Variants in MYO16 observed in about 807,000 individuals in gnomAD.
MYO16 encodes the protein unconventional myosin-XVI.
MYO16 carries 94 observed loss-of-function variants against 205.3 expected under a neutral mutation model. The ratio of observed to expected loss-of-function variants is 0.46; its 90% confidence interval spans 0.39 to 0.54. The LOEUF (loss-of-function observed/expected upper bound fraction) is 0.54, where lower values mean the gene tolerates loss of function less well. MYO16 is among the 20% of genes least tolerant of loss of function. MYO16 has a pLI of 0.00. For missense variants in MYO16, 2,315 were observed against 2,387.5 expected, an observed-to-expected ratio of 0.97 and a Z score of 0.63; for synonymous variants, 988 against 954.0, an observed-to-expected ratio of 1.04 and a Z score of -0.66.
intron 2 of MYO16, among the ~76,000 whole-genome samples, chr13:108,705,520 T>G (rs568865335): frequency 6.6e-6 from 1 of 152,346 alleles, no homozygotes; most frequent in Non-Finnish European, 1.5e-5. Flanking sequence ...AGTATATTGT[T>G]ATAATTGTTC....
At chr13:108,914,714 C>T (rs2139245431) in intron 16 of MYO16, among the ~76,000 whole-genome samples, 1 of 152,242 alleles carries the variant, frequency 6.6e-6, no homozygotes, top group East Asian at 1.9e-4. Context: ...GCTATCTTGG[C>T]TCACTGCAAC....
intron 29 of MYO16, among the ~76,000 whole-genome samples, chr13:109,124,414 G>A (rs190625521): frequency 1.3e-3 from 199 of 152,226 alleles, no homozygotes; most frequent in African/African-American, 4.6e-3. Context: ...TGAGATAGCG[G>A]TATATTTTGT....
rs193240477 is a variant in MYO16, at chr13:109,097,190, G to A, written c.3336-3595G>A. On this transcript the variant is annotated intron_variant, in intron 27 of 34. Transcript: ENST00000457511. ...CTAAAAATACAGAAATTAGTTGGGCGTGGTGGCGGGCACCATTAATCCCAT... is the reference window on the plus strand; with the variant it reads ...CTAAAAATACAGAAATTAGTTGGGCATGGTGGCGGGCACCATTAATCCCAT... Among the ~76,000 whole-genome samples, 143 of 152,274 alleles carry A rather than the reference G, an allele frequency of 9.4e-4. 1 individual carries two copies. Among genetic ancestry groups the A allele is most frequent in the African/African-American group, 3.0e-3 (125 of 41,548 alleles).
Position 109,125,515 on chromosome 13 carries a change from A to G in MYO16, c.3782+157A>G, listed in dbSNP as rs1489686857. 6.6e-6 allele frequency among the ~76,000 whole-genome samples: 1 copy of G among 152,190 alleles called. No individual in the cohort carries two copies. Among genetic ancestry groups the G allele is most frequent in the Non-Finnish European group, 1.5e-5 (1 of 68,024 alleles). On this transcript the variant is annotated intron_variant, in intron 30 of 34. Coordinates refer to ENST00000457511, the MANE Select transcript of MYO16 (RefSeq NM_001198950.3). This position sits in a 1 kb window ranked among gnomAD's most constrained non-coding sequence, Gnocchi z 4.0. ...GTTATTCGAAATGGCAGCAGTCTAAAAAGATGCTTTCCTGTGCTGTCTTCT... is the reference window on the plus strand; with the variant it reads ...GTTATTCGAAATGGCAGCAGTCTAAGAAGATGCTTTCCTGTGCTGTCTTCT...
At chr13:108,559,693 A>G in the MYO16 span, among the ~76,000 whole-genome samples, 1 of 151,336 alleles carries the variant, frequency 6.6e-6, no homozygotes, top group African/African-American at 2.4e-5. Flanking sequence ...GATGGTCTCG[A>G]TCTCCTGACC....
At chr13:109,073,378 T>C (rs886086024) in intron 27 of MYO16, among the ~76,000 whole-genome samples, 1 of 152,064 alleles carries the variant, frequency 6.6e-6, no homozygotes, top group Non-Finnish European at 1.5e-5. Context: ...CCCGAAGTTG[T>C]GTGATTACAG....
At chr13:108,734,026 T>C (rs544120888) in intron 4 of MYO16, among the ~76,000 whole-genome samples, 299 of 152,338 alleles carry the variant, frequency 2.0e-3, no homozygotes, top group African/African-American at 6.8e-3. Flanking sequence ...GTGTGTTCTA[T>C]AGAGTCATTA....
chr13:108,823,627 G>A lies in MYO16; in HGVS notation c.1097+349G>A, dbSNP rs188506205. ...CCTGAAATAGAAAATACTGATATATGTTTCTTTCTCTCATAAGCATAAAAC... is the reference window on the plus strand; with the variant it reads ...CCTGAAATAGAAAATACTGATATATATTTCTTTCTCTCATAAGCATAAAAC... On this transcript the variant is annotated intron_variant, in intron 9 of 34. Transcript: ENST00000457511. 1.6e-3 allele frequency among the ~76,000 whole-genome samples: 241 copies of A among 152,106 alleles called. 1 individual carries two copies. The highest frequency in any genetic ancestry group is 1.7e-3 in the Non-Finnish European group (116 of 67,934).
At chr13:108,590,869 A>G in the MYO16 span, among the ~76,000 whole-genome samples, 1 of 152,154 alleles carries the variant, frequency 6.6e-6, no homozygotes, top group African/African-American at 2.4e-5. Context: ...TTGATTTCAG[A>G]GATGCAGCCT....
intron 3 of MYO16, among the ~76,000 whole-genome samples, chr13:108,719,967 CA>C: frequency 6.6e-6 from 1 of 152,090 alleles, no homozygotes; most frequent in East Asian, 1.9e-4. Context: ...TACATTCACC[CA>C]AAAGGATAAC....
At chr13:108,908,316 C>T (rs891553449) in intron 15 of MYO16, among the ~76,000 whole-genome samples, 1 of 152,172 alleles carries the variant, frequency 6.6e-6, no homozygotes, top group African/African-American at 2.4e-5. Flanking sequence ...CTTTATACAA[C>T]TTTTCTTACT....
At chr13:108,558,834 A>G in the MYO16 span, among the ~76,000 whole-genome samples, 1 of 152,186 alleles carries the variant, frequency 6.6e-6, no homozygotes, top group African/African-American at 2.4e-5. Flanking sequence ...CTGTGTGGAG[A>G]GACATTGACC....
intron 23 of MYO16, among the ~76,000 whole-genome samples, chr13:109,024,319 C>T (rs1482786592): frequency 6.6e-6 from 1 of 151,782 alleles, no homozygotes; most frequent in Non-Finnish European, 1.5e-5. Flanking sequence ...CCTAAGGTTT[C>T]ATGGAAGTGA....
At chr13:108,911,479 A>G (rs1254973762) in intron 16 of MYO16, among the ~76,000 whole-genome samples, 1 of 152,092 alleles carries the variant, frequency 6.6e-6, no homozygotes, top group Non-Finnish European at 1.5e-5. Flanking sequence ...GGGAGATGGA[A>G]GTGTACAAGG....
intron 27 of MYO16, among the ~76,000 whole-genome samples, chr13:109,085,139 C>T (rs1888400218): frequency 6.6e-6 from 1 of 152,070 alleles, no homozygotes; most frequent in Admixed American, 6.5e-5. Context: ...TAGGGAAAGA[C>T]ACAGCAAGGA....
At chr13:108,949,973 C>A (rs1883081215) in intron 16 of MYO16, among the ~76,000 whole-genome samples, 1 of 149,494 alleles carries the variant, frequency 6.7e-6, no homozygotes. Flanking sequence ...AACTGGGCAT[C>A]CATAGGCAAA....
chr13:109,025,158 A>G (rs1886323667), intron 23 of MYO16, among the ~76,000 whole-genome samples: 1 of 152,056 alleles, frequency 6.6e-6, no homozygotes, highest in South Asian at 2.1e-4. Context: ...CCACGATGGG[A>G]TTACCTGGTC....
intron 32 of MYO16, among the ~76,000 whole-genome samples, chr13:109,161,463 C>T (rs1323080057): frequency 6.6e-6 from 1 of 152,170 alleles, no homozygotes; most frequent in Non-Finnish European, 1.5e-5. Context: ...TCAATGATCT[C>T]ATCTCGAAAA....
intron 4 of MYO16, among the ~76,000 whole-genome samples, chr13:108,757,217 G>T (rs932890534): frequency 1.3e-5 from 2 of 152,156 alleles, no homozygotes; most frequent in Non-Finnish European, 2.9e-5. Context: ...GATATTTATT[G>T]CAGGAAAATT....
Sources: gnomAD v4.1 joint callset for allele counts (sites outside exome capture counted in the v4.1 genomes callset) on GRCh38, gnomAD v4.1.1 for gene constraint, Gnocchi (gnomAD v3.1) non-coding constraint, MANE v1.5 for transcripts, NCBI Gene and HGNC (gene_info 2026-07-23, HGNC 2026-07-21) for gene names.